Variants in PRKDC observed in about 807,000 individuals in gnomAD.
PRKDC encodes protein kinase, DNA-activated, catalytic subunit, also known as DNA-dependent protein kinase catalytic subunit.
Under a neutral mutation model 486.9 loss-of-function variants are expected in PRKDC, and 82 were observed. That is an observed-to-expected ratio of 0.17 (90% confidence interval 0.14 to 0.20). PRKDC has a LOEUF of 0.20. Ranked by LOEUF, PRKDC falls within the 10% of genes least tolerant of loss-of-function variation. The pLI, the probability that PRKDC is intolerant of heterozygous loss-of-function variation, is 1.00. For synonymous variants in PRKDC, 1,895 were observed against 1,837.0 expected (o/e 1.03, Z -0.81); for missense variants, 4,504 against 5,038.2 (o/e 0.89, Z 3.21).
intron 67 of PRKDC, 118 bp from the exon 68 acceptor site, chr8:47,817,679 T>C: frequency 1.6e-6 from 1 of 619,864 alleles, no homozygotes; most frequent in Non-Finnish European, 2.8e-6. Flanking sequence ...AAAAAGTCCT[T>C]TCTTTTACAA....
In PRKDC at chr8:47,881,887, A is replaced by G. The variant is rs569229325; in HGVS notation, c.4962+25T>C. The G allele has an allele frequency of 1.1e-5, 17 of 1,571,070 alleles. No individual in the cohort carries two copies. In the South Asian group the frequency reaches 1.4e-4, roughly 13 times the overall value. On this transcript the variant is annotated intron_variant, in intron 37 of 85. Transcript: ENST00000314191. ...TACAGAGTTCAGAAGAATAAACATG[A>G]CTGCTTTTTAAAGGAATTGAATACC... is the stretch of plus-strand genomic sequence containing the variant.
intron 49 of PRKDC, among the ~76,000 whole-genome samples, chr8:47,856,422 G>A (rs560025708): frequency 8.5e-5 from 13 of 152,184 alleles, no homozygotes; most frequent in African/African-American, 7.2e-5. Flanking sequence ...TACAGATAAG[G>A]TTTCACCATG....
intron 54 of PRKDC, among the ~76,000 whole-genome samples, chr8:47,844,509 T>C (rs2088221628): frequency 6.6e-6 from 1 of 152,168 alleles, no homozygotes; most frequent in Non-Finnish European, 1.5e-5. Flanking sequence ...TAACAAATTC[T>C]GGACTTAAAC....
chr8:47,805,651 A>AT (rs1343071783), intron 69 of PRKDC, among the ~76,000 whole-genome samples: 3 of 152,160 alleles, frequency 2.0e-5, no homozygotes, highest in African/African-American at 2.4e-5. Flanking sequence ...CAATTGACCC[A>AT]TTTTTTATTT....
At chr8:47,832,767 G>T (rs778259525) in intron 59 of PRKDC, among the ~76,000 whole-genome samples, 12 of 152,206 alleles carry the variant, frequency 7.9e-5, no homozygotes, top group Non-Finnish European at 1.6e-4. Context: ...CTCCAGAACT[G>T]GAAGGTGAGA....
chr8:47,953,772 T>C lies in PRKDC; in HGVS notation c.621+35A>G, dbSNP rs767121425. On this transcript the variant is annotated intron_variant, in intron 6 of 85. Coordinates refer to ENST00000314191, the MANE Select transcript of PRKDC (RefSeq NM_006904.7). ...ATTACAAGAGAAAAACACAACCACA[T>C]CTATGGAAGCAGAATGTCATAAAGT... is the stretch of plus-strand genomic sequence containing the variant. The C allele has an allele frequency of 1.4e-5, 22 of 1,578,550 alleles. No homozygotes were observed. In the Middle Eastern group the frequency reaches 5.0e-4, roughly 36 times the overall value.
intron 7 of PRKDC, among the ~76,000 whole-genome samples, chr8:47,946,159 G>A (rs550624518): frequency 8.5e-5 from 13 of 152,090 alleles, no homozygotes; most frequent in East Asian, 2.0e-4. Context: ...GTGAAACCCC[G>A]TCTCTACTAA....
rs2154501469 is a variant in PRKDC at position 47,880,918 on chromosome 8, A to T, written c.5067+498T>A. On this transcript the variant is annotated intron_variant, in intron 38 of 85. Transcript: ENST00000314191. ...AAACATTAGCCAGGCCTGGTGGCGC[A>T]CACCTGTGATCCCAGCTACTTGGGA... 1.3e-5 allele frequency among the ~76,000 whole-genome samples: 2 copies of T among 152,006 alleles called. 1 individual carries two copies. Among genetic ancestry groups the T allele is most frequent in the Middle Eastern group, 6.8e-3 (2 of 294 alleles).
At chr8:47,865,569 C>T (rs1405839896) in intron 40 of PRKDC, among the ~76,000 whole-genome samples, 1 of 151,964 alleles carries the variant, frequency 6.6e-6, no homozygotes, top group Non-Finnish European at 1.5e-5. Context: ...ATTAAGAATG[C>T]AGAGTTAGTA....
In PRKDC at chr8:47,778,698, C is replaced by CA. The variant is rs56197911; in HGVS notation, c.11651+29dup. 6,133 of 1,613,424 alleles carry CA rather than the reference C, an allele frequency of 3.8e-3. 62 individuals are homozygous for CA. The highest frequency in any genetic ancestry group is 0.025 in the South Asian group (2,291 of 90,970). ...CACAGCTGTGCGGCTGCTGTGATCC[C>CA]ACTAAGGGTGAGGGCAGAAGGGTAC... On this transcript the variant is annotated intron_variant, in intron 82 of 85. Coordinates refer to ENST00000314191, the MANE Select transcript of PRKDC (RefSeq NM_006904.7).
At chr8:47,927,462 G>T in intron 20 of PRKDC, 109 bp from the exon 21 acceptor site, 1 of 1,260,822 alleles carries the variant, frequency 7.9e-7, no homozygotes, top group South Asian at 1.5e-5. Context: ...TTTATTACTG[G>T]ATGCCCGACA....
chr8:47,889,049 T>C lies in PRKDC; in HGVS notation c.4245A>G (p.Leu1415=), dbSNP rs750460161. The C allele has an allele frequency of 1.2e-6, 2 of 1,613,964 alleles. No homozygotes were observed. The highest frequency in any genetic ancestry group is 1.7e-6 in the Non-Finnish European group (2 of 1,179,858). Residue 1415 remains leucine (L), a synonymous_variant, in exon 33 of 86, where the codon CTA becomes CTG. Coordinates refer to ENST00000314191, the MANE Select transcript of PRKDC (RefSeq NM_006904.7). ...ALKMSPYKDI[L]ETHLREKITA... ...TTATTTTCTCTCTCAGATGGGTCTCTAGGATATCTTTGTATGGGGACATCT... is the reference window on the plus strand; with the variant it reads ...TTATTTTCTCTCTCAGATGGGTCTCCAGGATATCTTTGTATGGGGACATCT...
chr8:47,859,129 C>T (rs1190249781), intron 46 of PRKDC, 143 bp from the exon 47 acceptor site: 5 of 917,460 alleles, frequency 5.4e-6, no homozygotes, highest in East Asian at 4.8e-5. Flanking sequence ...ATATCAAATA[C>T]ACTCACTGTA....
At chr8:47,938,643 C>T (rs1304185939) in intron 11 of PRKDC, among the ~76,000 whole-genome samples, 1 of 152,056 alleles carries the variant, frequency 6.6e-6, no homozygotes, top group Non-Finnish European at 1.5e-5. Context: ...CTCACTGCCA[C>T]CTCTGCCTCC....
At chr8:47,822,107 C>CA (rs1037232452) in intron 64 of PRKDC, among the ~76,000 whole-genome samples, 9 of 152,094 alleles carry the variant, frequency 5.9e-5, no homozygotes, top group African/African-American at 2.2e-4. Flanking sequence ...ACATGGCCTA[C>CA]AAAAAACGCA....
rs755374012 is a variant in PRKDC, at chr8:47,913,893, A to G, written c.2781+8T>C. On this transcript the variant is annotated splice_region_variant and intron_variant, in intron 24 of 85. Coordinates refer to ENST00000314191, the MANE Select transcript of PRKDC (RefSeq NM_006904.7). ...CTAAATAATGGGTGAAATGAAAAAT[A>G]GAAGTACTTTAGTTTGTCTGTCACT... 1.9e-6 allele frequency: 3 copies of G among 1,591,494 alleles called. No homozygotes were observed. The highest frequency in any genetic ancestry group is 1.4e-5 in the African/African-American group (1 of 73,886).
intron 74 of PRKDC, 102 bp from the exon 75 acceptor site, chr8:47,789,340 TA>T: frequency 3.1e-6 from 1 of 320,788 alleles, no homozygotes. Context: ...TATACATATA[TA>T]AAATAATGTA....
At chr8:47,945,273 T>C (rs1204814312) in intron 7 of PRKDC, among the ~76,000 whole-genome samples, 1 of 152,200 alleles carries the variant, frequency 6.6e-6, no homozygotes, top group Non-Finnish European at 1.5e-5. Flanking sequence ...GACATATTTA[T>C]CATTTAAACA....
At chr8:47,918,058 G>A (rs2090015373) in intron 22 of PRKDC, among the ~76,000 whole-genome samples, 1 of 152,014 alleles carries the variant, frequency 6.6e-6, no homozygotes, top group Non-Finnish European at 1.5e-5. Context: ...TGTTGCCCAG[G>A]CTGAGCTCAA....
Sources: gnomAD v4.1 joint callset for allele counts (sites outside exome capture counted in the v4.1 genomes callset) on GRCh38, gnomAD v4.1.1 for gene constraint, MANE v1.5 for transcripts, NCBI Gene and HGNC (gene_info 2026-07-23, HGNC 2026-07-21) for gene names.